The following OXR1 variants were observed in gnomAD, a reference collection of about 807,000 sequenced individuals.
The protein encoded by OXR1 is oxidation resistance protein 1.
In OXR1, 41 loss-of-function variants were observed where a neutral mutation model predicts 104.6. The ratio of observed to expected loss-of-function variants is 0.39; its 90% confidence interval spans 0.31 to 0.51. The LOEUF (loss-of-function observed/expected upper bound fraction) is 0.51. Ranked by LOEUF, OXR1 falls within the 20% of genes least tolerant of loss-of-function variation. OXR1 has a pLI of 0.77. For missense variants in OXR1, 955 were observed against 1,031.9 expected (o/e 0.93, Z 1.02); for synonymous variants, 348 against 348.4 (o/e 1.00, Z 0.01).
chr8:106,707,198 G>C, intron 9 of OXR1, 53 bp downstream of exon 9: 2 of 1,545,138 alleles, frequency 1.3e-6, no homozygotes, highest in Non-Finnish European at 8.9e-7. Flanking sequence ...TGGTGTCTCC[G>C]TCTTTCCTCA....
At chr8:106,611,018 C>T (rs1421369161) in intron 3 of OXR1, among the ~76,000 whole-genome samples, 1 of 152,126 alleles carries the variant, frequency 6.6e-6, no homozygotes, top group Non-Finnish European at 1.5e-5. Context: ...AGTGAACATT[C>T]TTAGAACTTA....
At chr8:106,479,351 G>A (rs1026294) in intron 2 of OXR1, among the ~76,000 whole-genome samples, 16,403 of 151,946 alleles carry the variant, frequency 0.11, 973 homozygotes, top group African/African-American at 0.15. Context: ...ATAAGTTAAA[G>A]TCTTTCATTC....
intron 4 of OXR1, among the ~76,000 whole-genome samples, chr8:106,681,902 A>C: frequency 6.6e-6 from 1 of 152,086 alleles, no homozygotes; most frequent in East Asian, 1.9e-4. Flanking sequence ...TCATGAGTCT[A>C]CTCTGGATGG....
At chr8:106,545,919 C>T (rs958490471) in intron 3 of OXR1, among the ~76,000 whole-genome samples, 1 of 151,666 alleles carries the variant, frequency 6.6e-6, no homozygotes, top group Non-Finnish European at 1.5e-5. Context: ...TTGCTTGAAC[C>T]CGGGAGGCAG....
At chr8:106,702,263 A>G (rs1225202911) in intron 7 of OXR1, among the ~76,000 whole-genome samples, 1 of 152,154 alleles carries the variant, frequency 6.6e-6, no homozygotes, top group Non-Finnish European at 1.5e-5. Flanking sequence ...CCTGCCCTGT[A>G]TCACTATTTA....
intron 3 of OXR1, among the ~76,000 whole-genome samples, chr8:106,539,334 C>A (rs1430736355): frequency 6.6e-6 from 1 of 152,170 alleles, no homozygotes; most frequent in Non-Finnish European, 1.5e-5. Context: ...GCCACTGAAG[C>A]ATTGAACATG....
At chr8:106,588,462 A>G (rs1023993965) in intron 3 of OXR1, among the ~76,000 whole-genome samples, 1 of 151,266 alleles carries the variant, frequency 6.6e-6, no homozygotes, top group African/African-American at 2.4e-5. Flanking sequence ...GTCTTCATTT[A>G]TGTGCAAGAA....
intron 3 of OXR1, among the ~76,000 whole-genome samples, chr8:106,521,698 G>A (rs938920812): frequency 4.6e-5 from 7 of 152,126 alleles, no homozygotes; most frequent in Non-Finnish European, 7.4e-5. Flanking sequence ...ATTTTTGGTA[G>A]AAACGGGGTT....
intron 3 of OXR1, among the ~76,000 whole-genome samples, chr8:106,569,107 C>T (rs1817285789): frequency 6.6e-6 from 1 of 152,108 alleles, no homozygotes; most frequent in East Asian, 1.9e-4. Flanking sequence ...TGCAGCATCA[C>T]TTTTAATGAT....
intron 3 of OXR1, among the ~76,000 whole-genome samples, chr8:106,631,079 T>C (rs1030685938): frequency 6.7e-6 from 1 of 150,270 alleles, no homozygotes; most frequent in Non-Finnish European, 1.5e-5. Flanking sequence ...ACCAACAATA[T>C]GTGAGTGGTT....
chr8:106,392,812 A>G (rs1817636248), intron 2 of OXR1, among the ~76,000 whole-genome samples: 1 of 152,166 alleles, frequency 6.6e-6, no homozygotes, highest in Non-Finnish European at 1.5e-5. Flanking sequence ...AAATATAGCT[A>G]TGATATTTCT....
chr8:106,628,230 G>A (rs1004823052), intron 3 of OXR1, among the ~76,000 whole-genome samples: 1 of 152,044 alleles, frequency 6.6e-6, no homozygotes, highest in Non-Finnish European at 1.5e-5. Context: ...CCTGTCCATT[G>A]GATTGTTGCA....
At chr8:106,521,350 A>G (rs1423274514) in intron 3 of OXR1, among the ~76,000 whole-genome samples, 1 of 152,124 alleles carries the variant, frequency 6.6e-6, no homozygotes, top group Non-Finnish European at 1.5e-5. Flanking sequence ...TAAGTGTTAC[A>G]CCCTATTTTT....
intron 1 of OXR1, among the ~76,000 whole-genome samples, chr8:106,338,507 G>A (rs1304291383): frequency 6.7e-6 from 1 of 149,758 alleles, no homozygotes; most frequent in Non-Finnish European, 1.5e-5. Flanking sequence ...AGGTTGCAGT[G>A]AGCCAAGATC....
intron 3 of OXR1, among the ~76,000 whole-genome samples, chr8:106,541,480 A>G (rs551633090): frequency 7.2e-5 from 11 of 152,206 alleles, no homozygotes; most frequent in South Asian, 2.1e-4. Flanking sequence ...GAGAAATACA[A>G]TGGTGAAGAA....
At chr8:106,544,743 G>A (rs990102536) in intron 3 of OXR1, among the ~76,000 whole-genome samples, 2 of 152,150 alleles carry the variant, frequency 1.3e-5, no homozygotes, top group African/African-American at 4.8e-5. Context: ...TGTAAAGTTT[G>A]GAACAAGACA....
intron 2 of OXR1, among the ~76,000 whole-genome samples, chr8:106,484,007 G>T (rs1250989638): frequency 6.6e-6 from 1 of 152,068 alleles, no homozygotes; most frequent in Non-Finnish European, 1.5e-5. Flanking sequence ...AGATTCCCTT[G>T]GGTATGGTGA....
chr8:106,375,809 T>C (rs1052991912), intron 2 of OXR1, among the ~76,000 whole-genome samples: 3 of 152,166 alleles, frequency 2.0e-5, no homozygotes, highest in African/African-American at 7.2e-5. Context: ...AGAGGTGACA[T>C]CATTTGGTTC....
chr8:106,643,346 G>C (rs1486590064), intron 3 of OXR1, among the ~76,000 whole-genome samples: 4 of 152,140 alleles, frequency 2.6e-5, no homozygotes, highest in African/African-American at 9.7e-5. Context: ...TATAAAAACA[G>C]ATGGCCGGCC....
Sources: gnomAD v4.1 joint callset for allele counts (sites outside exome capture counted in the v4.1 genomes callset) on GRCh38, gnomAD v4.1.1 for gene constraint, MANE v1.5 for transcripts, NCBI Gene and HGNC (gene_info 2026-07-23, HGNC 2026-07-21) for gene names.